The following RERG variants were observed in gnomAD, a reference collection of about 807,000 sequenced individuals.
The protein encoded by RERG is ras-related and estrogen-regulated growth inhibitor.
In RERG, 25 loss-of-function variants were observed where a neutral mutation model predicts 23.2. The ratio of observed to expected loss-of-function variants is 1.08; its 90% CI spans 0.79 to 1.50. RERG has a LOEUF of 1.50. RERG is among the 40% of genes most tolerant of loss of function. The pLI, the probability that RERG is intolerant of heterozygous loss-of-function variation, is 0.00. For synonymous variants in RERG, 81 were observed against 89.1 expected, an observed-to-expected ratio of 0.91 and a Z score of 0.51; for missense variants, 253 against 250.1, an observed-to-expected ratio of 1.01 and a Z score of -0.08.
chr12:15,189,566 T>C (rs149455755), intron 2 of RERG, among the ~76,000 whole-genome samples: 44 of 152,316 alleles, frequency 2.9e-4, no homozygotes, highest in African/African-American at 9.6e-4. Context: ...ACACTGTGTA[T>C]TGAAGTATTA....
At chr12:15,149,918 T>C (rs533898814) in intron 2 of RERG, among the ~76,000 whole-genome samples, 1 of 152,364 alleles carries the variant, frequency 6.6e-6, no homozygotes, top group East Asian at 1.9e-4. Flanking sequence ...TGTCATACTT[T>C]CCTTTGCGCT....
intron 2 of RERG, among the ~76,000 whole-genome samples, chr12:15,149,158 C>A (rs957078586): frequency 6.6e-6 from 1 of 151,876 alleles, no homozygotes; most frequent in East Asian, 1.9e-4. Flanking sequence ...CGTGAGCCAC[C>A]GCGCCCAGCC....
In RERG at chr12:15,156,001, AATAT is replaced by A. The variant is rs539173302; in HGVS notation, c.62-34886_62-34883del. ...CCTAAAACTTAAAGTATAATAAAAA[AATAT>A]ATATATATATTTATAAATATTGATA... On this transcript the variant is annotated intron_variant, in intron 2 of 4. Transcript: ENST00000256953. Among the ~76,000 whole-genome samples, 731 of 107,628 alleles carry A rather than the reference AATAT, an allele frequency of 6.8e-3. 10 individuals are homozygous for A. Among genetic ancestry groups the A allele is most frequent in the African/African-American group, 0.021 (699 of 32,612 alleles). 70.6% of individuals were successfully genotyped at this position (107,628 alleles called of 152,430 possible).
rs1222298898 is a variant in RERG at position 15,126,158 on chromosome 12, T to TATATATATAC, written c.62-5040_62-5039insGTATATATAT. On this transcript the variant is annotated intron_variant, in intron 2 of 4. Transcript: ENST00000256953. Reference sequence around the variant, plus strand: ...ATATATATATATATATATATGTATTTACACACATACATTTTTACATATATA... The same window carrying TATATATATAC: ...ATATATATATATATATATATGTATTTATATATATACACACACATACATTTTTACATATATA... 1.5e-4 allele frequency among the ~76,000 whole-genome samples: 21 copies of TATATATATAC among 143,202 alleles called. 1 individual carries two copies. The highest frequency in any genetic ancestry group is 4.3e-4 in the African/African-American group (17 of 39,354). The allele number at this position is 143,202 out of a possible 152,430, so 93.9% of individuals were successfully genotyped here. A position where few individuals can be genotyped will look rare whatever the true frequency, so the allele number is the denominator to read the frequency against.
chr12:15,191,075 T>C (rs1266306465), intron 2 of RERG, among the ~76,000 whole-genome samples: 1 of 152,122 alleles, frequency 6.6e-6, no homozygotes, highest in East Asian at 1.9e-4. Flanking sequence ...ACCCTTGCCA[T>C]TTCCTATAGG....
chr12:15,117,665 T>C (rs1385146882), intron 3 of RERG, among the ~76,000 whole-genome samples: 2 of 107,536 alleles, frequency 1.9e-5, no homozygotes, highest in African/African-American at 7.8e-5. Flanking sequence ...AATGCCTCCA[T>C]CACACACGCG....
intron 2 of RERG, among the ~76,000 whole-genome samples, chr12:15,171,201 T>C (rs1193087208): frequency 6.6e-6 from 1 of 152,208 alleles, no homozygotes; most frequent in Non-Finnish European, 1.5e-5. Flanking sequence ...AGAGCTGGTG[T>C]TGGACCTTCC....
intron 2 of RERG, among the ~76,000 whole-genome samples, chr12:15,148,386 G>C (rs532487267): frequency 7.2e-5 from 11 of 152,258 alleles, no homozygotes; most frequent in African/African-American, 2.6e-4. Context: ...TGCGAATAAA[G>C]AAGGTAGAAA....
intron 3 of RERG, among the ~76,000 whole-genome samples, chr12:15,116,351 C>A (rs1283140100): frequency 6.6e-6 from 1 of 152,162 alleles, no homozygotes; most frequent in East Asian, 1.9e-4. Context: ...TATTCCATCT[C>A]TTTGCACTAA....
chr12:15,166,291 T>C (rs766817800), intron 2 of RERG, among the ~76,000 whole-genome samples: 1 of 152,214 alleles, frequency 6.6e-6, no homozygotes, highest in Non-Finnish European at 1.5e-5. Flanking sequence ...CTCATGGGCT[T>C]GCAAGATTCT....
chr12:15,155,444 T>C (rs1374106415), intron 2 of RERG, among the ~76,000 whole-genome samples: 1 of 152,208 alleles, frequency 6.6e-6, no homozygotes, highest in Admixed American at 6.5e-5. Context: ...ACAAAAGTCT[T>C]GGCTCTCATC....
intron 3 of RERG, chr12:15,112,497 G>A (rs556866864): frequency 2.6e-5 from 4 of 152,330 alleles, no homozygotes; most frequent in Admixed American, 6.5e-5. Flanking sequence ...GAAGTTAGCA[G>A]GTGCAAGAAG....
intron 2 of RERG, among the ~76,000 whole-genome samples, chr12:15,168,990 G>T (rs529357530): frequency 8.6e-5 from 13 of 151,892 alleles, no homozygotes; most frequent in Admixed American, 2.6e-4. Flanking sequence ...GTTTTTTTTT[G>T]TTGTTGTTGT....
At chr12:15,109,650 T>C in intron 4 of RERG, 133 bp from the exon 5 acceptor site, 1 of 644,036 alleles carries the variant, frequency 1.6e-6, no homozygotes. Flanking sequence ...GGTACTCTAA[T>C]TGTACAAACT....
intron 2 of RERG, among the ~76,000 whole-genome samples, chr12:15,161,476 C>T (rs1024898212): frequency 6.6e-6 from 1 of 152,202 alleles, no homozygotes; most frequent in African/African-American, 2.4e-5. Flanking sequence ...ACCTTCCTTC[C>T]TCCTTCTTCC....
intron 2 of RERG, among the ~76,000 whole-genome samples, chr12:15,165,077 T>C (rs764838606): frequency 3.3e-5 from 5 of 152,176 alleles, no homozygotes; most frequent in African/African-American, 7.2e-5. Context: ...AAAACCCAAA[T>C]TGATTCTGAG....
chr12:15,125,830 T>C (rs571205180), intron 2 of RERG, among the ~76,000 whole-genome samples: 153 of 152,026 alleles, frequency 1.0e-3, no homozygotes, highest in African/African-American at 3.4e-3. Context: ...GTATGCTCTA[T>C]TCAGTTAGGC....
chr12:15,143,968 C>T (rs924858665), intron 2 of RERG, among the ~76,000 whole-genome samples: 8 of 152,004 alleles, frequency 5.3e-5, no homozygotes, highest in African/African-American at 1.7e-4. Context: ...CTGAGGCAGG[C>T]ATGCACTTGG....
intron 2 of RERG, among the ~76,000 whole-genome samples, chr12:15,123,209 C>T (rs1352553097): frequency 1.3e-5 from 2 of 152,098 alleles, no homozygotes; most frequent in African/African-American, 4.8e-5. Context: ...TCTTCAATTC[C>T]AAAACCATTT....
Sources: allele counts gnomAD v4.1 joint callset (sites outside exome capture counted in the v4.1 genomes callset), GRCh38; gene constraint gnomAD v4.1.1; transcripts MANE v1.5; gene names NCBI Gene and HGNC (gene_info 2026-07-23, HGNC 2026-07-21).